Variants in ZNF654 observed in about 807,000 individuals in gnomAD.
The protein encoded by ZNF654 is zinc finger protein 654.
Under a neutral mutation model 95.3 loss-of-function variants are expected in ZNF654, and 19 were observed. That is an observed-to-expected ratio of 0.20 (90% CI 0.14 to 0.29). The LOEUF (loss-of-function observed/expected upper bound fraction) is 0.29, where lower values mean the gene tolerates loss of function less well. ZNF654 is among the 10% of genes least tolerant of loss of function. The pLI is 1.00. For synonymous variants in ZNF654, 413 were observed against 457.9 expected, an observed-to-expected ratio of 0.90 and a Z score of 1.25; for missense variants, 1,046 against 1,341.0, an observed-to-expected ratio of 0.78 and a Z score of 3.44.
At chr3:88,090,545 A>G (rs866023939) in intron 2 of ZNF654, among the ~76,000 whole-genome samples, 2 of 150,938 alleles carry the variant, frequency 1.3e-5, no homozygotes, top group African/African-American at 2.4e-5. Context: ...AAAGGTTATA[A>G]TAAGGCTAAT....
At chr3:88,116,788 C>T (rs1375551964) in intron 3 of ZNF654, among the ~76,000 whole-genome samples, 1 of 152,070 alleles carries the variant, frequency 6.6e-6, no homozygotes, top group African/African-American at 2.4e-5. Flanking sequence ...TTTACTCTCT[C>T]ATAGGCCATG....
At chr3:88,079,274 C>T (rs1290028875) in intron 1 of ZNF654, among the ~76,000 whole-genome samples, 2 of 151,958 alleles carry the variant, frequency 1.3e-5, no homozygotes, top group South Asian at 2.1e-4. Flanking sequence ...GGAACATCCA[C>T]ATTTTGGAGC....
intron 7 of ZNF654, among the ~76,000 whole-genome samples, chr3:88,135,713 T>C (rs1706736900): frequency 6.6e-6 from 1 of 152,112 alleles, no homozygotes; most frequent in African/African-American, 2.4e-5. Context: ...AGTCAAGTTT[T>C]ACTTGGGCCA....
At chr3:88,104,173 T>A (rs563858583) in intron 2 of ZNF654, among the ~76,000 whole-genome samples, 9 of 152,192 alleles carry the variant, frequency 5.9e-5, no homozygotes, top group Non-Finnish European at 1.2e-4. Flanking sequence ...TAAAGGGAGT[T>A]CCATAAGCAG....
At chr3:88,098,563 A>T (rs1032576729) in intron 2 of ZNF654, among the ~76,000 whole-genome samples, 8 of 152,220 alleles carry the variant, frequency 5.3e-5, no homozygotes, top group African/African-American at 1.9e-4. Context: ...CTTGATGAAC[A>T]TTGATGCAAA....
intron 2 of ZNF654, 105 bp downstream of exon 2, chr3:88,086,507 C>T: frequency 1.0e-6 from 1 of 996,030 alleles, no homozygotes; most frequent in Non-Finnish European, 1.4e-6. Flanking sequence ...AAAGTATTCC[C>T]TCAAAAAGAA....
intron 2 of ZNF654, chr3:88,095,539 C>G: frequency 2.0e-6 from 1 of 504,172 alleles, no homozygotes; most frequent in Non-Finnish European, 4.0e-6. Context: ...AGAACCAGGT[C>G]TGCTTCATCT....
In ZNF654 at chr3:88,130,515, G is replaced by A. The variant is rs551020491; in HGVS notation, c.893+689G>A. ...CTCTCAGGCTAGAATACAGTGGTGC[G>A]ATCATGGCTCACTGCAGCCTCAACT... is the stretch of plus-strand genomic sequence containing the variant. On this transcript the variant is annotated intron_variant, in intron 6 of 8. Coordinates refer to ENST00000636215, the MANE Select transcript of ZNF654 (RefSeq NM_001350134.2). Among the ~76,000 whole-genome samples the A allele has an allele frequency of 5.3e-5, 8 of 151,858 alleles. 1 individual carries two copies. Among genetic ancestry groups the A allele is most frequent in the Admixed American group, 4.6e-4 (7 of 15,210 alleles).
chr3:88,118,654 C>T (rs528338070), intron 3 of ZNF654, among the ~76,000 whole-genome samples: 2 of 152,276 alleles, frequency 1.3e-5, no homozygotes, highest in African/African-American at 4.8e-5. Flanking sequence ...TTGGTAGTCA[C>T]AACAACCTTT....
At chr3:88,110,449 T>C (rs1441784791) in intron 2 of ZNF654, among the ~76,000 whole-genome samples, 2 of 152,148 alleles carry the variant, frequency 1.3e-5, no homozygotes, top group African/African-American at 4.8e-5. Flanking sequence ...GCACTGATCA[T>C]TGAATTTCAT....
intron 2 of ZNF654, among the ~76,000 whole-genome samples, chr3:88,102,605 T>C (rs1395287859): frequency 6.6e-6 from 1 of 152,172 alleles, no homozygotes. Flanking sequence ...CCTAAAATAG[T>C]ATCTGGCAAT....
chr3:88,120,790 A>G (rs1705721701), intron 3 of ZNF654, among the ~76,000 whole-genome samples: 2 of 120,208 alleles, frequency 1.7e-5, no homozygotes, highest in African/African-American at 5.6e-5. Flanking sequence ...TTTAAATTCA[A>G]CAGTATAAAG....
intron 6 of ZNF654, among the ~76,000 whole-genome samples, chr3:88,132,027 C>T (rs530297277): frequency 6.6e-6 from 1 of 152,146 alleles, no homozygotes; most frequent in South Asian, 2.1e-4. Context: ...ATAATAGCTG[C>T]AAATGTTTGC....
chr3:88,130,365 CA>C (rs1243813973), intron 6 of ZNF654, among the ~76,000 whole-genome samples: 1 of 152,104 alleles, frequency 6.6e-6, no homozygotes, highest in Non-Finnish European at 1.5e-5. Flanking sequence ...GGGCTATAAA[CA>C]TTTTTTTAAA....
Position 88,139,152 on chromosome 3 carries a change from T to G in ZNF654, c.1483T>G (p.Leu495Val), listed in dbSNP as rs1458615164. 7.6e-7 allele frequency: 1 copy of G among 1,319,380 alleles called. No homozygotes were observed. The highest frequency in any genetic ancestry group is 9.7e-7 in the Non-Finnish European group (1 of 1,032,974). 81.7% of individuals were successfully genotyped at this position (1,319,380 alleles called of 1,614,324 possible). The change falls in exon 8 of 9, where the codon TTG becomes GTG. Residue 495 changes from leucine (L) to valine (V), a missense_variant. By Grantham distance (32) the Leu-to-Val change is conservative. Coordinates refer to ENST00000636215, the MANE Select transcript of ZNF654 (RefSeq NM_001350134.2). Reference sequence around the variant, plus strand: ...AAAAAGGACGGAGGAACAGCAAGGTTTGGATGAAGGGTTTGACTCTCTTAC... The same window carrying G: ...AAAAAGGACGGAGGAACAGCAAGGTGTGGATGAAGGGTTTGACTCTCTTAC... ...NLKRTEEQQG[L>V]DEGFDSLTDQ...
At chr3:88,096,655 C>G (rs1704079674) in intron 2 of ZNF654, among the ~76,000 whole-genome samples, 2 of 152,034 alleles carry the variant, frequency 1.3e-5, no homozygotes, top group African/African-American at 4.8e-5. Flanking sequence ...TTATCTGGTT[C>G]CATGTATATA....
At chr3:88,115,408 G>A (rs1705330759) in intron 3 of ZNF654, among the ~76,000 whole-genome samples, 1 of 152,172 alleles carries the variant, frequency 6.6e-6, no homozygotes, top group Admixed American at 6.6e-5. Flanking sequence ...TATACTTGCT[G>A]CATAGTCACT....
At chr3:88,085,027 C>A (rs540691081) in intron 1 of ZNF654, among the ~76,000 whole-genome samples, 80 of 152,306 alleles carry the variant, frequency 5.3e-4, no homozygotes, top group Middle Eastern at 6.8e-3. Context: ...CTCTGTTTTT[C>A]AAGGCTGCTT....
At chr3:88,087,611 A>G (rs1373710612) in intron 2 of ZNF654, among the ~76,000 whole-genome samples, 1 of 152,232 alleles carries the variant, frequency 6.6e-6, no homozygotes, top group East Asian at 1.9e-4. Flanking sequence ...ACAGCGGAGC[A>G]AGTCACAGCT....
Sources: allele counts gnomAD v4.1 joint callset (sites outside exome capture counted in the v4.1 genomes callset), GRCh38; gene constraint gnomAD v4.1.1; transcripts MANE v1.5; gene names NCBI Gene and HGNC (gene_info 2026-07-23, HGNC 2026-07-21).